CSMD1: variants seen among roughly 807,000 people sequenced by gnomAD.
CSMD1 encodes the protein CUB and Sushi multiple domains 1.
CSMD1 carries 213 observed loss-of-function variants against 417.5 expected under a neutral mutation model. The observed-to-expected ratio is 0.51, with a 90% CI of 0.46 to 0.57. CSMD1 has a LOEUF of 0.57. Ranked by LOEUF, CSMD1 falls within the 20% of genes least tolerant of loss-of-function variation. The pLI is 0.00. For missense variants in CSMD1, 6,923 were observed against 4,529.7 expected (o/e 1.53, Z -15.17); for synonymous variants, 2,862 against 1,736.8 (o/e 1.65, Z -16.11).
intron 3 of CSMD1, among the ~76,000 whole-genome samples, chr8:4,256,540 G>T (rs1304678193): frequency 6.6e-6 from 1 of 152,162 alleles, no homozygotes; most frequent in Non-Finnish European, 1.5e-5. Flanking sequence ...GCAATCAAAT[G>T]ACATCACCAT....
At chr8:4,370,878 G>A (rs1294029020) in intron 3 of CSMD1, among the ~76,000 whole-genome samples, 1 of 152,124 alleles carries the variant, frequency 6.6e-6, no homozygotes, top group South Asian at 2.1e-4. Context: ...CTTGTATCTT[G>A]ATGAGCTCCA....
intron 1 of CSMD1, among the ~76,000 whole-genome samples, chr8:4,852,950 C>G (rs1429012331): frequency 6.6e-6 from 1 of 152,124 alleles, no homozygotes. Context: ...AATTTCTAAG[C>G]AGCAATGCAT....
At chr8:4,787,747 A>C in intron 1 of CSMD1, 2 of 1,588,284 alleles carry the variant, frequency 1.3e-6, no homozygotes, top group Non-Finnish European at 1.7e-6. Context: ...GGAACAGCTG[A>C]TTGCTGCAAA....
intron 2 of CSMD1, among the ~76,000 whole-genome samples, chr8:4,620,596 A>G (rs1027068608): frequency 1.4e-4 from 22 of 152,018 alleles, no homozygotes; most frequent in African/African-American, 5.0e-4. Flanking sequence ...ACGAGAATCT[A>G]TAGAAATAAG....
chr8:4,724,999 A>G (rs1214846289), intron 1 of CSMD1, among the ~76,000 whole-genome samples: 2 of 152,176 alleles, frequency 1.3e-5, no homozygotes, highest in Non-Finnish European at 1.5e-5. Context: ...TTGAGGGAAA[A>G]GTCGTGAAAG....
intron 6 of CSMD1, among the ~76,000 whole-genome samples, chr8:3,715,148 T>C (rs1277974453): frequency 6.6e-6 from 1 of 152,204 alleles, no homozygotes; most frequent in East Asian, 1.9e-4. Context: ...CCTTATATTT[T>C]AAACACACAT....
At chr8:3,669,143 GT>G (rs1798855401) in intron 7 of CSMD1, among the ~76,000 whole-genome samples, 1 of 152,180 alleles carries the variant, frequency 6.6e-6, no homozygotes, top group African/African-American at 2.4e-5. Flanking sequence ...GGGCAGAATG[GT>G]TAAAACAAGG....
chr8:4,604,759 A>G (rs28525240), intron 2 of CSMD1, among the ~76,000 whole-genome samples: 3 of 152,100 alleles, frequency 2.0e-5, no homozygotes. Context: ...TTTGCAGTTA[A>G]TTTTGTAAAA....
At chr8:4,194,801 G>A (rs757772181) in intron 3 of CSMD1, among the ~76,000 whole-genome samples, 1 of 151,610 alleles carries the variant, frequency 6.6e-6, no homozygotes, top group Non-Finnish European at 1.5e-5. Flanking sequence ...AGACTCTTTG[G>A]TCACTATGAG....
intron 2 of CSMD1, among the ~76,000 whole-genome samples, chr8:4,557,163 G>A (rs558389576): frequency 6.6e-6 from 1 of 152,158 alleles, no homozygotes; most frequent in African/African-American, 2.4e-5. Context: ...TTCCTGCTTA[G>A]CTCCATCAGT....
intron 50 of CSMD1, among the ~76,000 whole-genome samples, chr8:3,033,745 T>C (rs1194751905): frequency 6.6e-6 from 1 of 152,108 alleles, no homozygotes; most frequent in African/African-American, 2.4e-5. Flanking sequence ...CTGCACATGA[T>C]TCCCAGAACT....
chr8:4,324,931 A>T (rs1799471768), intron 3 of CSMD1, among the ~76,000 whole-genome samples: 1 of 152,156 alleles, frequency 6.6e-6, no homozygotes, highest in Non-Finnish European at 1.5e-5. Context: ...GGGCCTCTTC[A>T]CGGGAAGGAG....
intron 5 of CSMD1, among the ~76,000 whole-genome samples, chr8:3,794,255 T>C (rs112233033): frequency 1.3e-5 from 2 of 152,212 alleles, no homozygotes; most frequent in Admixed American, 6.5e-5. Flanking sequence ...GAGATGTTGA[T>C]GGCCTGCAGC....
At chr8:3,118,155 C>T (rs1010076903) in intron 42 of CSMD1, among the ~76,000 whole-genome samples, 5 of 152,154 alleles carry the variant, frequency 3.3e-5, no homozygotes, top group Admixed American at 2.0e-4. Flanking sequence ...TATACCATTC[C>T]TCTTGTGTTT....
intron 12 of CSMD1, among the ~76,000 whole-genome samples, chr8:3,454,781 T>C (rs539797271): frequency 3.3e-5 from 5 of 152,146 alleles, no homozygotes; most frequent in African/African-American, 1.2e-4. Context: ...AATCTGACAA[T>C]TATGTGTCTT....
chr8:4,172,971 C>A (rs1797849313), intron 3 of CSMD1, among the ~76,000 whole-genome samples: 1 of 152,120 alleles, frequency 6.6e-6, no homozygotes, highest in Non-Finnish European at 1.5e-5. Context: ...GCAGCTAAAC[C>A]ATGCTCAGAT....
rs564392595 is a variant in CSMD1 at position 4,418,532 on chromosome 8, CAA to C, written c.415+1419_415+1420del. Among the ~76,000 whole-genome samples, 265 of 152,162 alleles carry C rather than the reference CAA, an allele frequency of 1.7e-3. 3 individuals carry two copies. Among genetic ancestry groups the C allele is most frequent in the South Asian group, 5.4e-3 (26 of 4,818 alleles). ...TCATCAGGAGGGGAGAAAAAAATGCCAAGTTTTCTAAAATGTGGAAGCATTAT... is the reference window on the plus strand; with the variant it reads ...TCATCAGGAGGGGAGAAAAAAATGCCGTTTTCTAAAATGTGGAAGCATTAT... On this transcript the variant is annotated intron_variant, in intron 3 of 69. Coordinates refer to ENST00000635120, the MANE Select transcript of CSMD1 (RefSeq NM_033225.6).
At position 3,021,598 on chromosome 8, in the gene CSMD1, C is replaced by CA. The variant is rs1475951544; in HGVS notation, c.7856-2949dup. On this transcript the variant is annotated intron_variant, in intron 51 of 69. Coordinates refer to ENST00000635120, the MANE Select transcript of CSMD1 (RefSeq NM_033225.6). Reference sequence around the variant, plus strand: ...TGAACTCTGGGAGCAAGTCTTTGCACAAAAAAGACACTTGGCTGACAGCAT... The same window carrying CA: ...TGAACTCTGGGAGCAAGTCTTTGCACAAAAAAAGACACTTGGCTGACAGCAT... Among the ~76,000 whole-genome samples, 17 of 152,322 alleles carry CA rather than the reference C, an allele frequency of 1.1e-4. 1 individual carries two copies. In the South Asian group the frequency reaches 1.4e-3, roughly 13 times the overall value.
At chr8:4,385,183 G>A (rs555745516) in intron 3 of CSMD1, among the ~76,000 whole-genome samples, 5 of 152,028 alleles carry the variant, frequency 3.3e-5, no homozygotes, top group African/African-American at 9.7e-5. Context: ...CCGTCTCGGC[G>A]TCTTAAAGTG....
Sources: gnomAD v4.1 joint callset for allele counts (sites outside exome capture counted in the v4.1 genomes callset) on GRCh38, gnomAD v4.1.1 for gene constraint, MANE v1.5 for transcripts, NCBI Gene and HGNC (gene_info 2026-07-23, HGNC 2026-07-21) for gene names.